NFATC2: variants seen among roughly 807,000 people sequenced by gnomAD.
NFATC2 encodes the protein nuclear factor of activated T-cells, cytoplasmic 2.
A neutral mutation model predicts 87.3 loss-of-function variants in NFATC2; 22 were observed. The ratio of observed to expected loss-of-function variants is 0.25; its 90% confidence interval spans 0.18 to 0.36. NFATC2 has a LOEUF of 0.36. Ranked by LOEUF, NFATC2 falls within the 10% of genes least tolerant of loss-of-function variation. The pLI is 1.00. For synonymous variants in NFATC2, 565 were observed against 542.2 expected (o/e 1.04, Z -0.58); for missense variants, 1,149 against 1,259.1 (o/e 0.91, Z 1.32).
chr20:51,504,297 C>T (rs1270956841), intron 3 of NFATC2, among the ~76,000 whole-genome samples: 1 of 152,162 alleles, frequency 6.6e-6, no homozygotes, highest in Admixed American at 6.5e-5. Flanking sequence ...GCTGGGATTA[C>T]AGGAATTTTT....
intron 9 of NFATC2, among the ~76,000 whole-genome samples, chr20:51,410,126 C>T (rs946173214): frequency 3.5e-5 from 5 of 143,764 alleles, no homozygotes; most frequent in South Asian, 2.3e-4. Context: ...AGGAGAATGG[C>T]GTGAACTCGG....
intron 3 of NFATC2, among the ~76,000 whole-genome samples, chr20:51,506,475 C>A (rs1047440620): frequency 1.3e-5 from 2 of 152,180 alleles, no homozygotes; most frequent in Non-Finnish European, 2.9e-5. Context: ...GAGAAGCCAT[C>A]ACCTCCCCGT....
intron 3 of NFATC2, among the ~76,000 whole-genome samples, chr20:51,505,578 C>T (rs889445609): frequency 2.6e-5 from 4 of 152,070 alleles, no homozygotes; most frequent in South Asian, 4.2e-4. Context: ...TCAGAATAGG[C>T]CCCCGCTAAG....
chr20:51,388,752 C>A lies in NFATC2; in HGVS notation c.*2744G>T, dbSNP rs374939266. ...TGGAAATATACTACATTCAGCAACACGGTAGACCTGTCAGAGTGCTACATA... is the reference window on the plus strand; with the variant it reads ...TGGAAATATACTACATTCAGCAACAAGGTAGACCTGTCAGAGTGCTACATA... On this transcript the variant is annotated 3_prime_UTR_variant, in exon 11 of 11. Coordinates refer to ENST00000371564, the MANE Select transcript of NFATC2 (RefSeq NM_012340.5). The A allele has an allele frequency of 1.3e-5, 2 of 152,202 alleles. No individual in the cohort carries two copies. Among genetic ancestry groups the A allele is most frequent in the Non-Finnish European group, 2.9e-5 (2 of 68,042 alleles). 9.4% of individuals were successfully genotyped at this position (152,202 alleles called of 1,614,324 possible). A position where few individuals can be genotyped will look rare whatever the true frequency, so the allele number is the denominator to read the frequency against.
At chr20:51,418,659 GT>G (rs752511466) in intron 9 of NFATC2, among the ~76,000 whole-genome samples, 1,819 of 125,092 alleles carry the variant, frequency 0.015, 5 homozygotes, top group African/African-American at 0.046. Context: ...TGTTTGTTTG[GT>G]TTTTTTTTTT....
At chr20:51,450,206 T>C (rs944579608) in intron 6 of NFATC2, among the ~76,000 whole-genome samples, 10 of 152,182 alleles carry the variant, frequency 6.6e-5, no homozygotes, top group Non-Finnish European at 1.2e-4. Context: ...AGCTACTAAA[T>C]GCAGATCAGG....
chr20:51,397,336 C>T (rs959087603), intron 10 of NFATC2, among the ~76,000 whole-genome samples: 2 of 152,158 alleles, frequency 1.3e-5, no homozygotes, highest in African/African-American at 4.8e-5. Flanking sequence ...GTGAAAAGAA[C>T]ATAAAACCCT....
intron 6 of NFATC2, among the ~76,000 whole-genome samples, chr20:51,452,368 G>A (rs924904730): frequency 2.6e-5 from 4 of 152,154 alleles, no homozygotes; most frequent in Non-Finnish European, 4.4e-5. Context: ...TAAGGGATGT[G>A]GCTCTCAGTT....
intron 9 of NFATC2, among the ~76,000 whole-genome samples, chr20:51,408,371 G>A (rs181976691): frequency 1.1e-4 from 17 of 151,880 alleles, no homozygotes; most frequent in South Asian, 8.3e-4. Flanking sequence ...AAAATTAGCC[G>A]GGTGTGGTAG....
chr20:51,445,396 T>C (rs1984930776), intron 6 of NFATC2, among the ~76,000 whole-genome samples: 1 of 152,134 alleles, frequency 6.6e-6, no homozygotes, highest in African/African-American at 2.4e-5. Flanking sequence ...CTGAAAGCCA[T>C]CTCCTCCAGC....
intron 9 of NFATC2, among the ~76,000 whole-genome samples, chr20:51,431,478 C>G (rs1568965692): frequency 1.3e-5 from 2 of 152,190 alleles, no homozygotes. Context: ...CAGCTGGGCT[C>G]ACCACAGCGG....
At position 51,454,625 on chromosome 20, in the gene NFATC2, T is replaced by C. The variant is rs1986199655; in HGVS notation, c.1772A>G (p.Tyr591Cys). The change falls in exon 6 of 11, where the codon TAT becomes TGT. Residue 591 changes from tyrosine (Y) to cysteine (C), a missense_variant. Physicochemically the swap from Tyr to Cys is radical, Grantham distance 194. Transcript: ENST00000371564. Reference protein sequence around the residue: ...ERQDTDSCLVYGGQQMILTGQ... With the variant: ...ERQDTDSCLVCGGQQMILTGQ... Reference sequence around the variant, plus strand: ...CGTGAGGATCATTTGCTGGCCGCCATAGACCAGGCAGCTGTCTGTGTCTTG... The same window carrying C: ...CGTGAGGATCATTTGCTGGCCGCCACAGACCAGGCAGCTGTCTGTGTCTTG... The C allele has an allele frequency of 2.5e-6, 4 of 1,614,038 alleles. No homozygotes were observed. Among genetic ancestry groups the C allele is most frequent in the East Asian group, 2.2e-5 (1 of 44,904 alleles).
rs560130852 is a variant in NFATC2, at chr20:51,475,172, C to T, written c.1535+286G>A. Among the ~76,000 whole-genome samples, 10 of 152,148 alleles carry T rather than the reference C, an allele frequency of 6.6e-5. No individual in the cohort carries two copies. In the East Asian group the frequency reaches 1.4e-3, roughly 21 times the overall value. On this transcript the variant is annotated intron_variant, in intron 4 of 10. Coordinates refer to ENST00000371564, the MANE Select transcript of NFATC2 (RefSeq NM_012340.5). Reference sequence around the variant, plus strand: ...TTAATAGAGATGGGGTTTCACCATGCTGGCCAGGCTGGTCTTGAATTCCTG... The same window carrying T: ...TTAATAGAGATGGGGTTTCACCATGTTGGCCAGGCTGGTCTTGAATTCCTG...
At chr20:51,410,619 G>A (rs1979082439) in intron 9 of NFATC2, among the ~76,000 whole-genome samples, 1 of 151,972 alleles carries the variant, frequency 6.6e-6, no homozygotes, top group African/African-American at 2.4e-5. Context: ...AGGAAGAGAG[G>A]GAAGGAAGGC....
rs1458055306 is a variant in NFATC2, at chr20:51,435,272, T to C, written c.1948A>G (p.Ile650Val). The change falls in exon 8 of 11, where the codon ATC (isoleucine) becomes GTC (valine). Residue 650 changes from isoleucine (I) to valine (V), a missense_variant. Ile to Val is a conservative substitution (Grantham distance 29). Transcript: ENST00000371564. Reference sequence around the variant, plus strand: ...AAGTTCACTTTTACAGGTGTGCGGATATGCTTGTTCCGATATTCAGGGATC... The same window carrying C: ...AAGTTCACTTTTACAGGTGTGCGGACATGCTTGTTCCGATATTCAGGGATC... ...VEIPEYRNKH[I>V]RTPVKVNFYV... 2 of 1,614,132 alleles carry C rather than the reference T, an allele frequency of 1.2e-6. No homozygotes were observed. The highest frequency in any genetic ancestry group is 3.3e-5 in the Admixed American group (2 of 60,018).
chr20:51,542,365 C>T lies in NFATC2; in HGVS notation c.130+5G>A. On this transcript the variant is annotated splice_donor_5th_base_variant and intron_variant, in intron 1 of 10. Coordinates refer to ENST00000371564, the MANE Select transcript of NFATC2 (RefSeq NM_012340.5). ...GGGGCCAGGCCAGGGGTAGCCTCCA[C>T]CGACCTTCGTTCGGATTCAAATACT... 1 of 1,604,820 alleles carries T rather than the reference C, an allele frequency of 6.2e-7. No homozygotes were observed. The highest frequency in any genetic ancestry group is 8.5e-7 in the Non-Finnish European group (1 of 1,175,416).
At position 51,524,067 on chromosome 20, in the gene NFATC2, G is replaced by A. The variant is rs753575242; in HGVS notation, c.174C>T (p.Pro58=). The A allele has an allele frequency of 4.7e-6, 7 of 1,483,770 alleles. No homozygotes were observed. Among genetic ancestry groups the A allele is most frequent in the South Asian group, 1.5e-5 (1 of 68,592 alleles). 91.9% of individuals were successfully genotyped at this position (1,483,770 alleles called of 1,614,324 possible). A position where few individuals can be genotyped will look rare whatever the true frequency, so the allele number is the denominator to read the frequency against. The change falls in exon 2 of 11, where the codon CCC becomes CCT. Residue 58 remains proline (P), a synonymous_variant. Coordinates refer to ENST00000371564, the MANE Select transcript of NFATC2 (RefSeq NM_012340.5). This position sits in a 1 kb window ranked among gnomAD's most constrained non-coding sequence, Gnocchi z 4.0. ...AHKVASPPSG[P]AYPDDVLDYG... is the part of the protein sequence containing the mutation. ...AGTCCAGGACATCATCGGGGTATGC[G>A]GGTCCGGAGGGTGGGCTGGCGACCT...
intron 9 of NFATC2, among the ~76,000 whole-genome samples, chr20:51,431,276 C>T (rs1321498657): frequency 6.6e-6 from 1 of 152,214 alleles, no homozygotes; most frequent in East Asian, 1.9e-4. Context: ...CTCCGACCTC[C>T]CAATGCACCT....
intron 5 of NFATC2, among the ~76,000 whole-genome samples, chr20:51,457,255 G>A (rs953182552): frequency 6.6e-6 from 1 of 152,224 alleles, no homozygotes; most frequent in Non-Finnish European, 1.5e-5. Context: ...GGAGCAGCTG[G>A]GGGCTTTTGG....
Sources: gnomAD v4.1 joint callset for allele counts (sites outside exome capture counted in the v4.1 genomes callset) on GRCh38, gnomAD v4.1.1 for gene constraint, Gnocchi (gnomAD v3.1) non-coding constraint, MANE v1.5 for transcripts, NCBI Gene and HGNC (gene_info 2026-07-23, HGNC 2026-07-21) for gene names.